Variants in TRAPPC6B observed in about 807,000 individuals in gnomAD.
The protein encoded by TRAPPC6B is trafficking protein particle complex subunit 6B.
Under a neutral mutation model 24.7 loss-of-function variants are expected in TRAPPC6B, and 27 were observed. That is an observed-to-expected ratio of 1.09 (90% CI 0.81 to 1.51). The LOEUF (loss-of-function observed/expected upper bound fraction) is 1.51. TRAPPC6B is among the 40% of genes most tolerant of loss of function. The probability of loss-of-function intolerance (pLI) is 0.00; values close to 1 mark genes in which losing one functional copy is unlikely to be tolerated. For missense variants in TRAPPC6B, 212 were observed against 190.8 expected (o/e 1.11, Z -0.66); for synonymous variants, 80 against 66.6 (o/e 1.20, Z -0.98).
chr14:39,166,799 G>C (rs796153448), intron 1 of TRAPPC6B, among the ~76,000 whole-genome samples: 30 of 151,512 alleles, frequency 2.0e-4, no homozygotes, highest in African/African-American at 6.8e-4. Context: ...GACTCCAACT[G>C]GTCCTCTGGC....
rs745836181 is a variant in TRAPPC6B, at chr14:39,170,091, G to C, written c.5C>G (p.Ala2Gly). 1 of 1,613,972 alleles carries C rather than the reference G, an allele frequency of 6.2e-7. No homozygotes were observed. Among genetic ancestry groups the C allele is most frequent in the Admixed American group, 1.7e-5 (1 of 59,984 alleles). M[A>G]DEALFLLLHN... Reference sequence around the variant, plus strand: ...GAGAAGCAAAAACAACGCCTCATCCGCCATTTCCTGCTAATTCTTCCAAGC... The same window carrying C: ...GAGAAGCAAAAACAACGCCTCATCCCCCATTTCCTGCTAATTCTTCCAAGC... Residue 2 changes from alanine (A) to glycine (G), a missense_variant, in exon 1 of 6, where the codon GCG (alanine) becomes GGG (glycine). By Grantham distance (60) the Ala-to-Gly change is moderately conservative. Transcript: ENST00000330149.
At chr14:39,150,901 T>C (rs1426446780) in intron 5 of TRAPPC6B, among the ~76,000 whole-genome samples, 1 of 152,154 alleles carries the variant, frequency 6.6e-6, no homozygotes, top group South Asian at 2.1e-4. Context: ...TTTCTCTTTA[T>C]GAATCCTACA....
chr14:39,159,663 C>G, intron 1 of TRAPPC6B, 113 bp from the exon 2 acceptor site: 1 of 646,466 alleles, frequency 1.5e-6, no homozygotes, highest in Non-Finnish European at 2.4e-6. Context: ...ATACTTTTTT[C>G]CCTGAAACAG....
chr14:39,164,017 T>C (rs2053083409), intron 1 of TRAPPC6B, among the ~76,000 whole-genome samples: 1 of 145,354 alleles, frequency 6.9e-6, no homozygotes, highest in South Asian at 2.1e-4. Context: ...GGAGCCTATC[T>C]TTTACAAGCT....
chr14:39,168,525 A>C (rs1340542943), intron 1 of TRAPPC6B, among the ~76,000 whole-genome samples: 1 of 133,042 alleles, frequency 7.5e-6, no homozygotes, highest in Non-Finnish European at 1.8e-5. Context: ...TTCTTGTGCA[A>C]ACTGGCAGTA....
intron 1 of TRAPPC6B, among the ~76,000 whole-genome samples, chr14:39,165,209 C>T (rs1339030033): frequency 6.6e-6 from 1 of 152,060 alleles, no homozygotes; most frequent in Non-Finnish European, 1.5e-5. Flanking sequence ...CCACGCCCGG[C>T]TAATTTTTTG....
chr14:39,158,258 A>C (rs751635872), intron 3 of TRAPPC6B, 27 bp downstream of exon 3: 1 of 1,227,474 alleles, frequency 8.1e-7, no homozygotes, highest in South Asian at 1.3e-5. Context: ...AGGACTTTAA[A>C]ATATAGGCCT....
chr14:39,160,499 T>C (rs2053042780), intron 1 of TRAPPC6B, among the ~76,000 whole-genome samples: 1 of 151,338 alleles, frequency 6.6e-6, no homozygotes, highest in African/African-American at 2.4e-5. Context: ...TCCAGGAAGT[T>C]GAGGCTGCAC....
chr14:39,150,389 A>G lies in TRAPPC6B; in HGVS notation c.446-8T>C. The G allele has an allele frequency of 6.4e-7, 1 of 1,567,484 alleles. No individual in the cohort carries two copies. Among genetic ancestry groups the G allele is most frequent in the Middle Eastern group, 1.7e-4 (1 of 5,942 alleles). On this transcript the variant is annotated splice_region_variant and splice_polypyrimidine_tract_variant and intron_variant, in intron 5 of 5. Coordinates refer to ENST00000330149, the MANE Select transcript of TRAPPC6B (RefSeq NM_001079537.2). The stretch of plus-strand genomic sequence containing the variant: ...TCATCACCTGAAATTTGCCTAAAAA[A>G]AAAAATACAAATAATTCTTTGATTT...
At chr14:39,162,345 T>C (rs2053068829) in intron 1 of TRAPPC6B, among the ~76,000 whole-genome samples, 1 of 151,228 alleles carries the variant, frequency 6.6e-6, no homozygotes, top group Non-Finnish European at 1.5e-5. Context: ...TTTTAAGAGA[T>C]GGGATCTCAC....
In TRAPPC6B at chr14:39,154,286, A is replaced by G. The variant is rs1421228222; in HGVS notation, c.276T>C (p.Tyr92=). 1.2e-6 allele frequency: 2 copies of G among 1,610,526 alleles called. No homozygotes were observed. Among genetic ancestry groups the G allele is most frequent in the Non-Finnish European group, 1.7e-6 (2 of 1,177,566 alleles). ...DNLRTNHQGI[Y]VLQDNKFRLL... ...GGCGAAATTTGTTGTCCTGAAGTAC[A>G]TAGATGCCCTGTTCCAAAAATAGAA... The change falls in exon 4 of 6, where the codon TAT becomes TAC. Residue 92 remains tyrosine (Y), a synonymous_variant. Transcript: ENST00000330149.
At position 39,148,949 on chromosome 14, in the gene TRAPPC6B, T is replaced by C. The variant is rs2139373759; in HGVS notation, c.*1401A>G. On this transcript the variant is annotated 3_prime_UTR_variant, in exon 6 of 6. Transcript: ENST00000330149. ...TTGTAGTGAATACTGTAGGACACTG[T>C]AACACAATGGTAAGTACTTGCATAT... 2.6e-6 allele frequency: 1 copy of C among 391,298 alleles called. No homozygotes were observed. Among genetic ancestry groups the C allele is most frequent in the Non-Finnish European group, 4.5e-6 (1 of 222,354 alleles). 24.2% of individuals were successfully genotyped at this position (391,298 alleles called of 1,614,324 possible). A position where few individuals can be genotyped will look rare whatever the true frequency, so the allele number is the denominator to read the frequency against.
chr14:39,166,358 A>G (rs891799415), intron 1 of TRAPPC6B, among the ~76,000 whole-genome samples: 1 of 152,192 alleles, frequency 6.6e-6, no homozygotes, highest in Non-Finnish European at 1.5e-5. Context: ...ACCTAGGAAC[A>G]TATTTATTAG....
intron 1 of TRAPPC6B, among the ~76,000 whole-genome samples, chr14:39,168,742 T>C (rs2053133908): frequency 6.6e-6 from 1 of 152,194 alleles, no homozygotes; most frequent in Non-Finnish European, 1.5e-5. Context: ...AATTCCACTT[T>C]CTAACTTTCA....
At chr14:39,153,766 A>G (rs927681440) in intron 4 of TRAPPC6B, among the ~76,000 whole-genome samples, 1 of 146,860 alleles carries the variant, frequency 6.8e-6, no homozygotes, top group Non-Finnish European at 1.5e-5. Context: ...CAATGATAGC[A>G]CGATCTCAGC....
chr14:39,149,518 A>T lies in TRAPPC6B; in HGVS notation c.*832T>A, dbSNP rs2052890745. 6.6e-6 allele frequency: 1 copy of T among 152,228 alleles called. No individual in the cohort carries two copies. The highest frequency in any genetic ancestry group is 6.5e-5 in the Admixed American group (1 of 15,280). The allele number at this position is 152,228 out of a possible 1,614,324, so 9.4% of individuals were successfully genotyped here. A position where few individuals can be genotyped will look rare whatever the true frequency, so the allele number is the denominator to read the frequency against. The stretch of plus-strand genomic sequence containing the variant: ...GCACTGACCCCAAACCACTAAGATG[A>T]TATGGTCCAAAGAATGTCAGAATGA... On this transcript the variant is annotated 3_prime_UTR_variant, in exon 6 of 6. Transcript: ENST00000330149.
At chr14:39,157,106 CAAAA>C (rs58837625) in intron 3 of TRAPPC6B, 392 of 142,594 alleles carry the variant, frequency 2.7e-3, no homozygotes, top group South Asian at 6.8e-3. Context: ...GACTCCATCT[CAAAA>C]AAAAAAAAAA....
chr14:39,161,042 G>T (rs140342804), intron 1 of TRAPPC6B, among the ~76,000 whole-genome samples: 1 of 152,178 alleles, frequency 6.6e-6, no homozygotes, highest in Non-Finnish European at 1.5e-5. Context: ...CACCATTTGC[G>T]AATGTAAAAG....
rs574878568 is a variant in TRAPPC6B, at chr14:39,170,314, C to T, written c.-219G>A. 5.3e-6 allele frequency: 3 copies of T among 564,450 alleles called. No individual in the cohort carries two copies. The South Asian group carries it at 6.7e-5, about 13-fold the overall frequency. The allele number at this position is 564,450 out of a possible 1,614,324, so 35.0% of individuals were successfully genotyped here. A position where few individuals can be genotyped will look rare whatever the true frequency, so the allele number is the denominator to read the frequency against. ...GCCCACACTTCGGGGCTACCAAATC[C>T]TAGGGCCGAACTAAAGTCTGACGGG... On this transcript the variant is annotated 5_prime_UTR_variant, in exon 1 of 6. Coordinates refer to ENST00000330149, the MANE Select transcript of TRAPPC6B (RefSeq NM_001079537.2).
Sources: gnomAD v4.1 joint callset for allele counts (sites outside exome capture counted in the v4.1 genomes callset) on GRCh38, gnomAD v4.1.1 for gene constraint, MANE v1.5 for transcripts, NCBI Gene and HGNC (gene_info 2026-07-23, HGNC 2026-07-21) for gene names.